The following SNX29 variants were observed in gnomAD, a reference collection of about 807,000 sequenced individuals.
SNX29 encodes the protein sorting nexin 29, also known as sorting nexin-29.
In SNX29, 78 loss-of-function variants were observed where a neutral mutation model predicts 102.1. That is an observed-to-expected ratio of 0.76 (90% CI 0.64 to 0.92). The LOEUF (loss-of-function observed/expected upper bound fraction) is 0.92, where lower values mean the gene tolerates loss of function less well. Among genes scored for constraint, SNX29 ranks in the 40% least tolerant of loss-of-function variants. The probability of loss-of-function intolerance (pLI) is 0.00; values close to 1 mark genes in which losing one functional copy is unlikely to be tolerated. For synonymous variants in SNX29, 580 were observed against 414.5 expected (o/e 1.40, Z -4.85); for missense variants, 1,280 against 1,061.7 (o/e 1.21, Z -2.86).
At chr16:12,034,386 T>C (rs2057418253) in intron 4 of SNX29, among the ~76,000 whole-genome samples, 1 of 152,162 alleles carries the variant, frequency 6.6e-6, no homozygotes, top group Admixed American at 6.5e-5. Flanking sequence ...AGGGAAGCCT[T>C]GGAAGGATGT....
At chr16:12,287,823 C>T (rs918510723) in intron 15 of SNX29, among the ~76,000 whole-genome samples, 1 of 152,186 alleles carries the variant, frequency 6.6e-6, no homozygotes, top group Non-Finnish European at 1.5e-5. Context: ...CCCTGCCTCT[C>T]CCTTTCTTCC....
intron 19 of SNX29, among the ~76,000 whole-genome samples, chr16:12,511,417 T>G (rs2089613518): frequency 6.6e-6 from 1 of 152,140 alleles, no homozygotes; most frequent in Admixed American, 6.5e-5. Flanking sequence ...TGCAGGGGTA[T>G]GCTGAGATAA....
chr16:12,569,547 T>G lies in SNX29; in HGVS notation c.*918T>G, dbSNP rs1328116786. On this transcript the variant is annotated 3_prime_UTR_variant, in exon 21 of 21. Coordinates refer to ENST00000566228, the MANE Select transcript of SNX29 (RefSeq NM_032167.5). ...ATGAAGTTGGACCCAGTGTGGACAC[T>G]TAACAGATCATGTGTCTCTCCACTA... 4.3e-6 allele frequency: 1 copy of G among 231,438 alleles called. No individual in the cohort carries two copies. Among genetic ancestry groups the G allele is most frequent in the African/African-American group, 2.2e-5 (1 of 45,240 alleles). 14.3% of individuals were successfully genotyped at this position (231,438 alleles called of 1,614,324 possible). A position where few individuals can be genotyped will look rare whatever the true frequency, so the allele number is the denominator to read the frequency against.
At chr16:12,443,546 C>T (rs1050407782) in intron 18 of SNX29, among the ~76,000 whole-genome samples, 5 of 152,160 alleles carry the variant, frequency 3.3e-5, no homozygotes, top group Non-Finnish European at 5.9e-5. Flanking sequence ...TCTGCCTCCC[C>T]TTCAAGCGAT....
intron 14 of SNX29, among the ~76,000 whole-genome samples, chr16:12,206,300 TTTTC>T (rs1481153574): frequency 2.6e-5 from 4 of 151,994 alleles, no homozygotes; most frequent in Non-Finnish European, 4.4e-5. Context: ...ATGGGAAGTT[TTTTC>T]TTTCTTTCTT....
chr16:12,473,262 G>A (rs574945085), intron 18 of SNX29, among the ~76,000 whole-genome samples: 8 of 152,340 alleles, frequency 5.3e-5, no homozygotes, highest in African/African-American at 1.9e-4. Flanking sequence ...CACTGTTGTT[G>A]TGGATCAGCC....
At chr16:12,218,818 A>C (rs981028903) in intron 14 of SNX29, among the ~76,000 whole-genome samples, 7 of 152,098 alleles carry the variant, frequency 4.6e-5, no homozygotes, top group Admixed American at 1.3e-4. Context: ...TTTGTTGCCC[A>C]GTCTGGAGTG....
At chr16:12,547,422 G>C (rs556507188) in intron 20 of SNX29, among the ~76,000 whole-genome samples, 5 of 152,284 alleles carry the variant, frequency 3.3e-5, no homozygotes, top group Admixed American at 6.5e-5. Context: ...GGACCATGTG[G>C]GCACCCCGGG....
chr16:12,477,721 C>A lies in SNX29; in HGVS notation c.2040C>A (p.Val680=), dbSNP rs939327461. The change falls in exon 19 of 21, where the codon GTC becomes GTA. Residue 680 remains valine (V), a splice_region_variant and synonymous_variant. Transcript: ENST00000566228. ...KAANAFHVYQ[V]YIRIKDDEWN... is the part of the protein sequence containing the mutation. ...TCACATTTTCTCTTTCTTGACAGGT[C>A]TACATCCGGATAAAAGACGATGAAT... 1.1e-5 allele frequency: 17 copies of A among 1,611,390 alleles called. No individual in the cohort carries two copies. Among genetic ancestry groups the A allele is most frequent in the Non-Finnish European group, 1.4e-5 (17 of 1,179,210 alleles).
chr16:12,346,645 C>G (rs1206173155), intron 15 of SNX29, among the ~76,000 whole-genome samples: 2 of 152,322 alleles, frequency 1.3e-5, no homozygotes, highest in East Asian at 1.9e-4. Context: ...CTTGTGTGTT[C>G]TTCTTAAAGG....
At chr16:12,319,843 C>T (rs1332015285) in intron 15 of SNX29, among the ~76,000 whole-genome samples, 1 of 152,128 alleles carries the variant, frequency 6.6e-6, no homozygotes, top group African/African-American at 2.4e-5. Context: ...GAGGGATGCA[C>T]ACCCTTTCTC....
rs547531629 is a variant in SNX29 at position 12,421,938 on chromosome 16, TCATCCATCAC to T, written c.2037+18414_2037+18423del. 3.0e-3 allele frequency among the ~76,000 whole-genome samples: 450 copies of T among 148,448 alleles called. 3 individuals are homozygous for T. Among genetic ancestry groups the T allele is most frequent in the Non-Finnish European group, 5.4e-3 (362 of 66,842 alleles). ...GTCCATCACCATCATCATCCGTCCA[TCATCCATCAC>T]CATCATCAACCACCCATCACAGGCA... is the stretch of plus-strand genomic sequence containing the variant. On this transcript the variant is annotated intron_variant, in intron 18 of 20. Transcript: ENST00000566228.
At chr16:12,563,130 C>T (rs1363923362) in intron 20 of SNX29, among the ~76,000 whole-genome samples, 1 of 152,090 alleles carries the variant, frequency 6.6e-6, no homozygotes, top group Non-Finnish European at 1.5e-5. Flanking sequence ...GAAAGGTCGC[C>T]ACACGTCCTC....
At chr16:12,254,922 A>G (rs1466084649) in intron 14 of SNX29, among the ~76,000 whole-genome samples, 4 of 152,184 alleles carry the variant, frequency 2.6e-5, no homozygotes, top group Non-Finnish European at 5.9e-5. Flanking sequence ...GAGTGGAGAC[A>G]GCTCTTTCCA....
chr16:12,275,234 T>G (rs1308983661), intron 14 of SNX29, among the ~76,000 whole-genome samples: 3 of 152,142 alleles, frequency 2.0e-5, no homozygotes, highest in African/African-American at 7.2e-5. Flanking sequence ...GGAGAATACC[T>G]TTCCATTCCC....
intron 20 of SNX29, among the ~76,000 whole-genome samples, chr16:12,538,165 G>C (rs116949126): frequency 6.6e-6 from 1 of 152,116 alleles, no homozygotes; most frequent in East Asian, 1.9e-4. Flanking sequence ...ACCCAGAATA[G>C]AGTGCAGTGG....
chr16:12,342,607 CT>C (rs1333145028), intron 15 of SNX29, among the ~76,000 whole-genome samples: 2 of 152,176 alleles, frequency 1.3e-5, no homozygotes, highest in African/African-American at 4.8e-5. Flanking sequence ...AATCTTGTGT[CT>C]TTTACGAAGC....
chr16:12,535,418 C>A (rs1198329274), intron 20 of SNX29, among the ~76,000 whole-genome samples: 1 of 152,196 alleles, frequency 6.6e-6, no homozygotes, highest in Non-Finnish European at 1.5e-5. Context: ...TTACATGAGC[C>A]ACTGCGCCTG....
intron 16 of SNX29, among the ~76,000 whole-genome samples, chr16:12,373,383 G>C (rs1338654951): frequency 6.6e-6 from 1 of 152,138 alleles, no homozygotes; most frequent in Non-Finnish European, 1.5e-5. Flanking sequence ...TCCTGCCTCG[G>C]CCTCCCATAG....
Sources: allele counts gnomAD v4.1 joint callset (sites outside exome capture counted in the v4.1 genomes callset), GRCh38; gene constraint gnomAD v4.1.1; transcripts MANE v1.5; gene names NCBI Gene and HGNC (gene_info 2026-07-23, HGNC 2026-07-21).